NIF3L1: variants seen among roughly 807,000 people sequenced by gnomAD.
NIF3L1 encodes the protein NIF3-like protein 1.
Under a neutral mutation model 35.0 loss-of-function variants are expected in NIF3L1, and 26 were observed. The ratio of observed to expected loss-of-function variants is 0.74; its 90% CI spans 0.54 to 1.03. NIF3L1 has a LOEUF of 1.03. Among genes scored for constraint, NIF3L1 ranks in the 50% least tolerant of loss-of-function variants. NIF3L1 has a pLI of 0.00. For synonymous variants in NIF3L1, 157 were observed against 178.9 expected, an observed-to-expected ratio of 0.88 and a Z score of 0.98; for missense variants, 449 against 466.3, an observed-to-expected ratio of 0.96 and a Z score of 0.34.
intron 6 of NIF3L1, among the ~76,000 whole-genome samples, chr2:200,899,720 A>G (rs1182609181): frequency 6.6e-6 from 1 of 152,138 alleles, no homozygotes; most frequent in Non-Finnish European, 1.5e-5. Flanking sequence ...AACTGTCCCA[A>G]ACCTCTCAGA....
At chr2:200,902,284 T>G (rs549879675) in intron 6 of NIF3L1, among the ~76,000 whole-genome samples, 28 of 152,260 alleles carry the variant, frequency 1.8e-4, no homozygotes, top group Admixed American at 1.2e-3. Context: ...TTCAGAATAT[T>G]AGGCTGGACA....
Position 200,897,131 on chromosome 2 carries a change from C to T in NIF3L1, c.782C>T (p.Ser261Phe). 1 of 1,614,024 alleles carries T rather than the reference C, an allele frequency of 6.2e-7. No homozygotes were observed. Among genetic ancestry groups the T allele is most frequent in the Non-Finnish European group, 8.5e-7 (1 of 1,179,942 alleles). Residue 261 changes from serine to phenylalanine, a missense_variant, in exon 5 of 7, where the codon TCC (serine) becomes TTC (phenylalanine). Transcript: ENST00000409020. The part of the protein sequence containing the change: ...GRLCTLDESV[S>F]LATMIDRIKR... The stretch of plus-strand genomic sequence containing the variant: ...TTATGCACACTGGATGAATCTGTCT[C>T]CCTGGCAACCATGATTGATCGAATA...
chr2:200,895,200 T>G, intron 3 of NIF3L1, 64 bp from the exon 4 acceptor site: 2 of 1,496,736 alleles, frequency 1.3e-6, no homozygotes, highest in Non-Finnish European at 1.9e-6. Flanking sequence ...GTTTGTAAAC[T>G]GTGGATTATC....
chr2:200,889,724 A>C (rs1043969074), intron 1 of NIF3L1, 72 bp downstream of exon 1: 2 of 152,364 alleles, frequency 1.3e-5, no homozygotes, highest in South Asian at 4.0e-4. Context: ...AACAGTGCTT[A>C]CTCTAGGACG....
Position 200,891,862 on chromosome 2 carries a change from T to C in NIF3L1, c.-26-56T>C, listed in dbSNP as rs368426205. The C allele has an allele frequency of 3.7e-5, 42 of 1,120,542 alleles. No homozygotes were observed. In the African/African-American group the frequency reaches 5.4e-4, roughly 14 times the overall value. 69.4% of individuals were successfully genotyped at this position (1,120,542 alleles called of 1,614,324 possible). A position where few individuals can be genotyped will look rare whatever the true frequency, so the allele number is the denominator to read the frequency against. On this transcript the variant is annotated intron_variant, in intron 1 of 6. Coordinates refer to ENST00000409020, the MANE Select transcript of NIF3L1 (RefSeq NM_001369441.2). ...TCTTTTGCCCATATGTTTTGATGCC[T>C]CAAAGATCCAGGCCTAAAGTATACC...
downstream of NIF3L1, chr2:200,903,928 T>C: frequency 2.1e-6 from 1 of 482,574 alleles, no homozygotes; most frequent in Non-Finnish European, 3.8e-6. Flanking sequence ...TTACTTAACA[T>C]TCTTTGGAAG....
At chr2:200,890,894 G>A (rs114940695) in intron 1 of NIF3L1, among the ~76,000 whole-genome samples, 4,316 of 151,700 alleles carry the variant, frequency 0.028, 210 homozygotes, top group African/African-American at 0.099. Context: ...TTTATAGAGT[G>A]ACCTGCCTAT....
chr2:200,893,222 AT>A (rs775193923), intron 2 of NIF3L1, 23 bp from the exon 3 acceptor site: 10 of 1,466,992 alleles, frequency 6.8e-6, no homozygotes, highest in Non-Finnish European at 9.1e-6. Context: ...CAAAACTCCC[AT>A]TTTCCCACAA....
intron 1 of NIF3L1, chr2:200,891,595 A>G (rs938566955): frequency 7.4e-5 from 16 of 215,798 alleles, no homozygotes; most frequent in African/African-American, 2.7e-4. Context: ...AAGCAAGGGT[A>G]GGGAGAATAA....
At position 200,889,657 on chromosome 2, in the gene NIF3L1, C is replaced by T. The variant is rs1349112195; in HGVS notation, c.-27+5C>T. On this transcript the variant is annotated splice_donor_5th_base_variant and intron_variant, in intron 1 of 6. Coordinates refer to ENST00000409020, the MANE Select transcript of NIF3L1 (RefSeq NM_001369441.2). ...CTGAAATGAGGCATAGATGAGGTAA[C>T]GTCGAGGGAGCGGTTTGCAGGTTGC... 3 of 153,394 alleles carry T rather than the reference C, an allele frequency of 2.0e-5. No homozygotes were observed. The highest frequency in any genetic ancestry group is 1.9e-4 in the South Asian group (1 of 5,316). 9.5% of individuals were successfully genotyped at this position (153,394 alleles called of 1,614,324 possible). A position where few individuals can be genotyped will look rare whatever the true frequency, so the allele number is the denominator to read the frequency against.
At chr2:200,890,954 CTTT>C (rs58191528) in intron 1 of NIF3L1, among the ~76,000 whole-genome samples, 2 of 137,012 alleles carry the variant, frequency 1.5e-5, no homozygotes, top group African/African-American at 5.4e-5. Context: ...TTTAAACATT[CTTT>C]TTTTTTTTTT....
chr2:200,902,473 C>T lies in NIF3L1; in HGVS notation c.950-1021C>T, dbSNP rs547778737. The stretch of plus-strand genomic sequence containing the variant: ...ATTCCAGCTACTCGAGAGGCTGAGG[C>T]AGGAGAATCACTTGAACCCAGGAGG... On this transcript the variant is annotated intron_variant, in intron 6 of 6. Transcript: ENST00000409020. Among the ~76,000 whole-genome samples the T allele has an allele frequency of 2.0e-5, 3 of 152,228 alleles. No homozygotes were observed. In the South Asian group the frequency reaches 6.2e-4, roughly 32 times the overall value.
At chr2:200,899,874 C>A (rs2040383562) in intron 6 of NIF3L1, among the ~76,000 whole-genome samples, 1 of 152,108 alleles carries the variant, frequency 6.6e-6, no homozygotes, top group South Asian at 2.1e-4. Context: ...TATCCAGGCA[C>A]CATCTCCTAC....
In NIF3L1 at chr2:200,898,401, C is replaced by T. The variant is rs537384013; in HGVS notation, c.866-984C>T. ...AAACCATCAGATCTCGTGAGACTCA[C>T]GCATTATCACAAGAACAGCATGGGG... On this transcript the variant is annotated intron_variant, in intron 5 of 6. Coordinates refer to ENST00000409020, the MANE Select transcript of NIF3L1 (RefSeq NM_001369441.2). Among the ~76,000 whole-genome samples the T allele has an allele frequency of 3.3e-5, 5 of 152,254 alleles. 1 individual carries two copies. The South Asian group carries it at 1.0e-3, about 32-fold the overall frequency.
At chr2:200,893,559 T>C in intron 3 of NIF3L1, 151 bp downstream of exon 3, 2 of 701,794 alleles carry the variant, frequency 2.8e-6, no homozygotes, top group Non-Finnish European at 2.3e-6. Flanking sequence ...TTGTGGGTCC[T>C]GGAGAACTAT....
intron 4 of NIF3L1, among the ~76,000 whole-genome samples, chr2:200,896,413 C>T (rs55931932): frequency 0.03 from 4,538 of 152,258 alleles, 109 homozygotes; most frequent in Middle Eastern, 0.088. Flanking sequence ...CTGCACTTGA[C>T]ATCACCCCTT....
intron 6 of NIF3L1, among the ~76,000 whole-genome samples, chr2:200,900,877 A>G (rs1393537056): frequency 2.0e-5 from 3 of 152,168 alleles, no homozygotes; most frequent in Admixed American, 6.5e-5. Flanking sequence ...CTTGGTTACT[A>G]TGGTTATATT....
At chr2:200,902,869 C>A (rs2040431134) in intron 6 of NIF3L1, among the ~76,000 whole-genome samples, 2 of 152,098 alleles carry the variant, frequency 1.3e-5, no homozygotes, top group Non-Finnish European at 2.9e-5. Context: ...TTTTACTTGG[C>A]AGTGATCATT....
rs967004456 is a variant in NIF3L1, at chr2:200,893,324, A to G, written c.515A>G (p.Asn172Ser). 8.1e-6 allele frequency: 13 copies of G among 1,612,344 alleles called. No individual in the cohort carries two copies. The highest frequency in any genetic ancestry group is 9.3e-6 in the Non-Finnish European group (11 of 1,179,208). Residue 172 changes from asparagine to serine, a missense_variant, in exon 3 of 7, where the codon AAC (asparagine) becomes AGC (serine). By Grantham distance (46) the Asn-to-Ser change is conservative (BLOSUM62 1). Coordinates refer to ENST00000409020, the MANE Select transcript of NIF3L1 (RefSeq NM_001369441.2). Reference protein sequence around the residue: ...PTEGNHRVEFNVNYTQDLDKV... With the variant: ...PTEGNHRVEFSVNYTQDLDKV... ...GAGGGAAACCACCGAGTAGAATTCAACGTTAACTACACCCAAGACCTGGAC... is the reference window on the plus strand; with the variant it reads ...GAGGGAAACCACCGAGTAGAATTCAGCGTTAACTACACCCAAGACCTGGAC...
Sources: allele counts gnomAD v4.1 joint callset (sites outside exome capture counted in the v4.1 genomes callset), GRCh38; gene constraint gnomAD v4.1.1; transcripts MANE v1.5; gene names NCBI Gene and HGNC (gene_info 2026-07-23, HGNC 2026-07-21).